Variants in ZNF469 observed in about 807,000 individuals in gnomAD.
The protein encoded by ZNF469 is zinc finger protein 469.
ZNF469 carries 1 observed loss-of-function variant against 1.0 expected under a neutral mutation model. The observed-to-expected ratio is 1.00, with a 90% CI of 0.35 to 4.73. The LOEUF (loss-of-function observed/expected upper bound fraction) is 4.73. ZNF469 is among the 30% of genes most tolerant of loss of function. ZNF469 has a pLI of 0.16. For missense variants in ZNF469, 6,100 were observed against 5,356.3 expected (o/e 1.14, Z -4.33); for synonymous variants, 2,703 against 2,363.4 (o/e 1.14, Z -4.17).
the ZNF469 span, among the ~76,000 whole-genome samples, chr16:88,313,980 G>T: frequency 6.6e-6 from 1 of 151,628 alleles, no homozygotes; most frequent in South Asian, 2.1e-4. Context: ...GAATATCTCT[G>T]TGATTATGAT....
chr16:88,216,180 T>C, the ZNF469 span, among the ~76,000 whole-genome samples: 5 of 152,152 alleles, frequency 3.3e-5, no homozygotes, highest in African/African-American at 4.8e-5. Context: ...GGTTGGCAGA[T>C]ACCATCTTTC....
At chr16:88,335,300 C>T in the ZNF469 span, among the ~76,000 whole-genome samples, 1 of 152,252 alleles carries the variant, frequency 6.6e-6, no homozygotes, top group East Asian at 1.9e-4. Context: ...CTGGTTAGTA[C>T]ATATCTGGAT....
the ZNF469 span, among the ~76,000 whole-genome samples, chr16:88,199,731 A>G: frequency 1.3e-5 from 2 of 152,204 alleles, no homozygotes; most frequent in African/African-American, 2.4e-5. Context: ...AGTGCTGGCC[A>G]TAGGGCTGGG....
At chr16:88,237,169 T>G in the ZNF469 span, among the ~76,000 whole-genome samples, 28,207 of 50,634 alleles carry the variant, frequency 0.56, 8,247 homozygotes, top group East Asian at 0.76. Context: ...CCTGCCCTCC[T>G]TGCTCCTGCC....
Position 88,429,590 on chromosome 16 carries a change from G to C in ZNF469, c.2120G>C (p.Arg707Pro). The C allele has an allele frequency of 6.5e-7, 1 of 1,549,404 alleles. No individual in the cohort carries two copies. Among genetic ancestry groups the C allele is most frequent in the Non-Finnish European group, 8.7e-7 (1 of 1,146,534 alleles). ...CGGGGAGGGCTGCAGGGCTTCCCCC[G>C]TGCGCCGCCTCCGTACCCCACACAC... ...VGRGGLQGFP[R>P]APPPYPTHHF... The change falls in exon 3 of 3, where the codon CGT becomes CCT. Residue 707 changes from arginine (R) to proline (P), a missense_variant. Transcript: ENST00000565624.
chr16:88,319,055 G>A, the ZNF469 span, among the ~76,000 whole-genome samples: 2,409 of 152,322 alleles, frequency 0.016, 33 homozygotes, highest in Middle Eastern at 0.037. Flanking sequence ...GGGGTCAAGA[G>A]GGCCTTGGCC....
chr16:88,251,070 G>GTTTC, the ZNF469 span, among the ~76,000 whole-genome samples: 1 of 152,152 alleles, frequency 6.6e-6, no homozygotes, highest in Non-Finnish European at 1.5e-5. Context: ...TAGAGACGGG[G>GTTTC]TTTCACCTTA....
chr16:88,377,041 C>G, the ZNF469 span, among the ~76,000 whole-genome samples: 7 of 152,260 alleles, frequency 4.6e-5, no homozygotes, highest in African/African-American at 1.4e-4. Context: ...TCAGCTGGGT[C>G]CCTTCAGCAT....
At chr16:88,224,223 G>A in the ZNF469 span, among the ~76,000 whole-genome samples, 1 of 152,182 alleles carries the variant, frequency 6.6e-6, no homozygotes, top group Admixed American at 6.5e-5. Flanking sequence ...GCCACACACA[G>A]AACCAGCGGC....
intron 1 of ZNF469, among the ~76,000 whole-genome samples, chr16:88,388,887 T>C (rs563719938): frequency 7.0e-4 from 92 of 132,000 alleles, no homozygotes; most frequent in African/African-American, 2.5e-3. Flanking sequence ...GCTGGGGAGC[T>C]GGGTGCCAGG....
the ZNF469 span, among the ~76,000 whole-genome samples, chr16:88,364,361 C>T: frequency 1.3e-5 from 2 of 152,140 alleles, no homozygotes; most frequent in African/African-American, 2.4e-5. Context: ...TTACTTTAAC[C>T]TCACAGGAAG....
At chr16:88,143,909 G>T in the ZNF469 span, among the ~76,000 whole-genome samples, 1 of 152,294 alleles carries the variant, frequency 6.6e-6, no homozygotes, top group African/African-American at 2.4e-5. Flanking sequence ...CCCTGTGTTC[G>T]CTGCCTTCCT....
At chr16:88,163,768 G>A in the ZNF469 span, among the ~76,000 whole-genome samples, 50 of 152,096 alleles carry the variant, frequency 3.3e-4, 1 homozygote, top group South Asian at 5.8e-3. Context: ...TGAATGGATC[G>A]GTGGATAGAT....
At position 88,430,327 on chromosome 16, in the gene ZNF469, C is replaced by G. The variant is rs2142302580; in HGVS notation, c.2857C>G (p.Leu953Val). 2 of 1,515,170 alleles carry G rather than the reference C, an allele frequency of 1.3e-6. No homozygotes were observed. The highest frequency in any genetic ancestry group is 1.8e-6 in the Non-Finnish European group (2 of 1,135,446). The allele number at this position is 1,515,170 out of a possible 1,614,324, so 93.9% of individuals were successfully genotyped here. A position where few individuals can be genotyped will look rare whatever the true frequency, so the allele number is the denominator to read the frequency against. ...GCAGAGGAGGGGGAAGCAGTTGAAG[C>G]TGTTCCGGAAGGATCTGGACTCGGG... ...RQQRRGKQLKLFRKDLDSGGA... is the reference protein window; with the variant it reads ...RQQRRGKQLKVFRKDLDSGGA... The change falls in exon 3 of 3, where the codon CTG (leucine) becomes GTG (valine). Residue 953 changes from leucine to valine, a missense_variant. By Grantham distance (32) the Leu-to-Val change is conservative. Transcript: ENST00000565624.
At chr16:88,144,655 A>G in the ZNF469 span, among the ~76,000 whole-genome samples, 45 of 152,170 alleles carry the variant, frequency 3.0e-4, no homozygotes, top group African/African-American at 1.1e-3. Context: ...TCTCTCTGTC[A>G]TCACCCGTGT....
the ZNF469 span, among the ~76,000 whole-genome samples, chr16:88,183,178 T>C: frequency 6.6e-6 from 1 of 152,348 alleles, no homozygotes; most frequent in South Asian, 2.1e-4. Flanking sequence ...TGCCAGGTGC[T>C]GATGAAAATG....
chr16:88,182,385 A>C, the ZNF469 span, among the ~76,000 whole-genome samples: 1 of 152,160 alleles, frequency 6.6e-6, no homozygotes, highest in Non-Finnish European at 1.5e-5. Flanking sequence ...GCTAATTCTA[A>C]ACTTATATGA....
the ZNF469 span, among the ~76,000 whole-genome samples, chr16:88,222,981 T>A: frequency 6.6e-6 from 1 of 152,130 alleles, no homozygotes; most frequent in African/African-American, 2.4e-5. Flanking sequence ...TCATCCTGAT[T>A]TGTAAAAGAG....
chr16:88,331,534 T>C, the ZNF469 span, among the ~76,000 whole-genome samples: 33 of 101,318 alleles, frequency 3.3e-4, no homozygotes, highest in East Asian at 6.7e-4. Flanking sequence ...CTACCATCAC[T>C]ATCATCACCA....
Sources: gnomAD v4.1 joint callset for allele counts (sites outside exome capture counted in the v4.1 genomes callset) on GRCh38, gnomAD v4.1.1 for gene constraint, MANE v1.5 for transcripts, NCBI Gene and HGNC (gene_info 2026-07-23, HGNC 2026-07-21) for gene names.